The following LRRFIP2 variants were observed in gnomAD, a reference collection of about 807,000 sequenced individuals.
LRRFIP2 encodes LRR binding FLII interacting protein 2, also known as leucine-rich repeat flightless-interacting protein 2.
LRRFIP2 carries 109 observed loss-of-function variants against 125.9 expected under a neutral mutation model. That is an observed-to-expected ratio of 0.87 (90% CI 0.74 to 1.01). LRRFIP2 has a LOEUF of 1.01. LRRFIP2 is among the 50% of genes least tolerant of loss of function. The probability of loss-of-function intolerance (pLI) is 0.00; values close to 1 mark genes in which losing one functional copy is unlikely to be tolerated. For synonymous variants in LRRFIP2, 291 were observed against 293.1 expected, an observed-to-expected ratio of 0.99 and a Z score of 0.07; for missense variants, 850 against 862.3, an observed-to-expected ratio of 0.99 and a Z score of 0.18.
rs567908123 is a variant in LRRFIP2, at chr3:37,111,035, T to C, written c.469A>G (p.Ser157Gly). 9.3e-6 allele frequency: 15 copies of C among 1,613,824 alleles called. No individual in the cohort carries two copies. The highest frequency in any genetic ancestry group is 8.8e-5 in the South Asian group (8 of 91,074). Residue 157 changes from serine to glycine, a missense_variant, in exon 9 of 28, where the codon AGC (serine) becomes GGC (glycine). Ser to Gly is a moderately conservative substitution (Grantham distance 56). Transcript: ENST00000336686. ...GTGGGTTTGCTATGTCTAAGACTGC[T>C]ATAGTTTCTCTGGTCAAAGTAGAGG... ...SGLYFDQRNYSSLRHSKPTSA... is the reference protein window; with the variant it reads ...SGLYFDQRNYGSLRHSKPTSA...
At chr3:37,110,933 G>T in intron 9 of LRRFIP2, 58 bp downstream of exon 9, 1 of 1,502,362 alleles carries the variant, frequency 6.7e-7, no homozygotes. Flanking sequence ...AAAATGGGGA[G>T]ATTAGAAATA....
chr3:37,090,215 T>A (rs2093348233), intron 18 of LRRFIP2, among the ~76,000 whole-genome samples: 1 of 145,578 alleles, frequency 6.9e-6, no homozygotes, highest in Admixed American at 7.1e-5. Context: ...TGTATTTTAC[T>A]TTTTTTGTTT....
chr3:37,133,319 C>T (rs533324328), intron 2 of LRRFIP2, among the ~76,000 whole-genome samples: 20 of 152,134 alleles, frequency 1.3e-4, no homozygotes, highest in Non-Finnish European at 1.8e-4. Context: ...TACAAAAGAA[C>T]TGGAAAGCAG....
intron 19 of LRRFIP2, 59 bp from the exon 20 acceptor site, chr3:37,075,175 T>A: frequency 8.6e-7 from 1 of 1,166,518 alleles, no homozygotes; most frequent in Non-Finnish European, 1.3e-6. Context: ...AATTTGAACA[T>A]ACACAATACA....
Position 37,165,017 on chromosome 3 carries a change from C to T in LRRFIP2, c.-56+9522G>A, listed in dbSNP as rs534769999. Among the ~76,000 whole-genome samples, 35 of 152,044 alleles carry T rather than the reference C, an allele frequency of 2.3e-4. No individual in the cohort carries two copies. The South Asian group carries it at 7.1e-3, about 31-fold the overall frequency. ...TTGGGAGGCCGAGGCTGGCAGATCACGAGGTCGGGAGATCGAGACCATCCT... is the reference window on the plus strand; with the variant it reads ...TTGGGAGGCCGAGGCTGGCAGATCATGAGGTCGGGAGATCGAGACCATCCT... On this transcript the variant is annotated intron_variant, in intron 1 of 27. Coordinates refer to ENST00000336686, the MANE Select transcript of LRRFIP2 (RefSeq NM_006309.4).
At chr3:37,062,666 C>A (rs1232850691) in intron 24 of LRRFIP2, among the ~76,000 whole-genome samples, 1 of 152,120 alleles carries the variant, frequency 6.6e-6, no homozygotes, top group African/African-American at 2.4e-5. Context: ...AGTCACAGCA[C>A]AATGAAGAAA....
At chr3:37,142,523 A>G (rs1314898599) in intron 2 of LRRFIP2, among the ~76,000 whole-genome samples, 1 of 152,234 alleles carries the variant, frequency 6.6e-6, no homozygotes, top group African/African-American at 2.4e-5. Context: ...ATTACATTGT[A>G]AAAATTTAAT....
At chr3:37,100,374 ACATG>A (rs1185469161) in intron 15 of LRRFIP2, among the ~76,000 whole-genome samples, 1 of 149,832 alleles carries the variant, frequency 6.7e-6, no homozygotes, top group Non-Finnish European at 1.5e-5. Context: ...ATACATACAT[ACATG>A]TATACATACA....
intron 1 of LRRFIP2, among the ~76,000 whole-genome samples, chr3:37,150,293 T>C (rs1225917190): frequency 6.6e-6 from 1 of 152,052 alleles, no homozygotes; most frequent in East Asian, 1.9e-4. Context: ...TGAAACCCCA[T>C]CTCTACTAAA....
At chr3:37,131,351 C>A (rs1577138057) in intron 2 of LRRFIP2, among the ~76,000 whole-genome samples, 1 of 152,128 alleles carries the variant, frequency 6.6e-6, no homozygotes, top group Non-Finnish European at 1.5e-5. Context: ...AGGCTCTATA[C>A]CCATGTCTCT....
chr3:37,131,869 GA>G (rs2095435909), intron 2 of LRRFIP2, among the ~76,000 whole-genome samples: 1 of 152,216 alleles, frequency 6.6e-6, no homozygotes, highest in African/African-American at 2.4e-5. Flanking sequence ...AGGCTTCTAA[GA>G]AGCAGAGAGA....
At position 37,096,613 on chromosome 3, in the gene LRRFIP2, C is replaced by G; in HGVS notation, c.918+3G>C. ...AATTTCCCTTAGGAATTTACATACT[C>G]ACTCTTGTATAATTTTCAGCATACT... On this transcript the variant is annotated splice_donor_region_variant and intron_variant, in intron 16 of 27. Coordinates refer to ENST00000336686, the MANE Select transcript of LRRFIP2 (RefSeq NM_006309.4). The G allele has an allele frequency of 1.9e-6, 3 of 1,540,648 alleles. No individual in the cohort carries two copies. Among genetic ancestry groups the G allele is most frequent in the Non-Finnish European group, 2.7e-6 (3 of 1,123,632 alleles).
At chr3:37,070,114 C>CTTTT (rs528717261) in intron 21 of LRRFIP2, among the ~76,000 whole-genome samples, 3 of 136,956 alleles carry the variant, frequency 2.2e-5, no homozygotes, top group Non-Finnish European at 3.1e-5. Flanking sequence ...TAAATTTCCT[C>CTTTT]TTTTTTTTTT....
intron 3 of LRRFIP2, 94 bp downstream of exon 3, chr3:37,128,968 GT>G: frequency 9.0e-7 from 1 of 1,111,776 alleles, no homozygotes; most frequent in South Asian, 1.3e-5. Context: ...TATTTTCAAT[GT>G]TTCAAAGGAA....
intron 15 of LRRFIP2, among the ~76,000 whole-genome samples, chr3:37,102,372 G>C (rs1192405005): frequency 6.6e-6 from 1 of 152,060 alleles, no homozygotes; most frequent in Non-Finnish European, 1.5e-5. Flanking sequence ...TGTTGCAGAT[G>C]CTGATGGGTT....
chr3:37,133,373 C>T (rs1346958949), intron 2 of LRRFIP2, among the ~76,000 whole-genome samples: 1 of 152,198 alleles, frequency 6.6e-6, no homozygotes, highest in Non-Finnish European at 1.5e-5. Context: ...CAGCATTATT[C>T]ACAACAGTCA....
chr3:37,066,376 G>A, intron 21 of LRRFIP2, 51 bp from the exon 22 acceptor site: 1 of 1,390,450 alleles, frequency 7.2e-7, no homozygotes, highest in Non-Finnish European at 1.0e-6. Flanking sequence ...AAAAGAGCAG[G>A]TGAAAGGTAG....
At chr3:37,067,515 C>T (rs1266066456) in intron 21 of LRRFIP2, 3 of 152,152 alleles carry the variant, frequency 2.0e-5, no homozygotes, top group African/African-American at 7.2e-5. Flanking sequence ...GGTAACTTTC[C>T]TCTCAGTTCA....
rs778299711 is a variant in LRRFIP2 at position 37,055,039 on chromosome 3, T to A, written c.1950+47A>T. 5 of 1,276,252 alleles carry A rather than the reference T, an allele frequency of 3.9e-6. No individual in the cohort carries two copies. In the East Asian group the frequency reaches 9.6e-5, roughly 24 times the overall value. The allele number at this position is 1,276,252 out of a possible 1,614,324, so 79.1% of individuals were successfully genotyped here. On this transcript the variant is annotated intron_variant, in intron 26 of 27. Transcript: ENST00000336686. ...ACTCATGGGTTGTTAGCCACTTAGATGCAGGAAGGACATTTAAATAACTTA... is the reference window on the plus strand; with the variant it reads ...ACTCATGGGTTGTTAGCCACTTAGAAGCAGGAAGGACATTTAAATAACTTA...
Sources: gnomAD v4.1 joint callset for allele counts (sites outside exome capture counted in the v4.1 genomes callset) on GRCh38, gnomAD v4.1.1 for gene constraint, MANE v1.5 for transcripts, NCBI Gene and HGNC (gene_info 2026-07-23, HGNC 2026-07-21) for gene names.